Variants in NAPEPLD observed in about 807,000 individuals in gnomAD.
The protein encoded by NAPEPLD is N-acyl-phosphatidylethanolamine-hydrolyzing phospholipase D.
Under a neutral mutation model 38.1 loss-of-function variants are expected in NAPEPLD, and 23 were observed. The ratio of observed to expected loss-of-function variants is 0.60; its 90% CI spans 0.43 to 0.86. The LOEUF (loss-of-function observed/expected upper bound fraction) is 0.86, where lower values mean the gene tolerates loss of function less well. Ranked by LOEUF, NAPEPLD falls within the 40% of genes least tolerant of loss-of-function variation. The pLI is 0.00. For missense variants in NAPEPLD, 411 were observed against 476.8 expected, an observed-to-expected ratio of 0.86 and a Z score of 1.28; for synonymous variants, 147 against 162.0, an observed-to-expected ratio of 0.91 and a Z score of 0.71.
At chr7:103,125,912 AATAAT>A (rs1242517208) in intron 2 of NAPEPLD, among the ~76,000 whole-genome samples, 3 of 149,038 alleles carry the variant, frequency 2.0e-5, no homozygotes, top group South Asian at 2.1e-4. Flanking sequence ...TAATAATAAT[AATAAT>A]AATAAATAAA....
At chr7:103,147,375 T>C (rs1812778956) in intron 1 of NAPEPLD, among the ~76,000 whole-genome samples, 1 of 152,180 alleles carries the variant, frequency 6.6e-6, no homozygotes, top group African/African-American at 2.4e-5. Flanking sequence ...CATTTCAACC[T>C]AAAAAGCCCA....
chr7:103,116,072 T>TTTTTC (rs1805505316), intron 3 of NAPEPLD, among the ~76,000 whole-genome samples: 3 of 151,684 alleles, frequency 2.0e-5, no homozygotes, highest in African/African-American at 7.3e-5. Flanking sequence ...TTCTTTTTTT[T>TTTTTC]TTTTTCTGAG....
intron 2 of NAPEPLD, chr7:103,126,782 A>ATTTTT (rs61285914): frequency 5.1e-5 from 4 of 78,754 alleles, no homozygotes; most frequent in Admixed American, 1.6e-4. Context: ...AATTTTTTGT[A>ATTTTT]TTTTTTTTTT....
chr7:103,114,012 C>T (rs1483008462), intron 4 of NAPEPLD, among the ~76,000 whole-genome samples: 1 of 152,000 alleles, frequency 6.6e-6, no homozygotes, highest in Non-Finnish European at 1.5e-5. Flanking sequence ...GATTCTCCTG[C>T]CTCAGCCTCC....
chr7:103,147,983 C>T (rs1478041721), intron 1 of NAPEPLD: 47 of 981,752 alleles, frequency 4.8e-5, no homozygotes, highest in Non-Finnish European at 5.7e-5. Flanking sequence ...CTTTAACAGA[C>T]CCAGTATTTT....
At chr7:103,149,282 G>C (rs1813255470), upstream of NAPEPLD, 3 of 1,045,450 alleles carry the variant, frequency 2.9e-6, no homozygotes, top group Non-Finnish European at 3.5e-6. Context: ...GACTCACCTC[G>C]CGCTTGGGGT....
At chr7:103,110,216 T>A (rs1804235397) in intron 4 of NAPEPLD, among the ~76,000 whole-genome samples, 1 of 152,216 alleles carries the variant, frequency 6.6e-6, no homozygotes, top group African/African-American at 2.4e-5. Flanking sequence ...CTAACTCGTT[T>A]TATGAGGCCA....
At chr7:103,116,396 A>G (rs906373429) in intron 3 of NAPEPLD, among the ~76,000 whole-genome samples, 8 of 152,176 alleles carry the variant, frequency 5.3e-5, no homozygotes, top group Non-Finnish European at 5.9e-5. Flanking sequence ...AGACTGGGAA[A>G]TAAGTCCTGC....
At chr7:103,128,257 T>C in intron 2 of NAPEPLD, 1 of 511,094 alleles carries the variant, frequency 2.0e-6, no homozygotes, top group Non-Finnish European at 3.4e-6. Context: ...CGTTCTTTCC[T>C]GTACCTCTAA....
At chr7:103,114,274 C>T (rs909456334) in intron 4 of NAPEPLD, among the ~76,000 whole-genome samples, 7 of 152,162 alleles carry the variant, frequency 4.6e-5, no homozygotes, top group African/African-American at 1.7e-4. Context: ...CTATCCTCTG[C>T]TTGATCCCAG....
Position 103,120,027 on chromosome 7 carries a change from C to T in NAPEPLD, c.491G>A (p.Arg164Gln), listed in dbSNP as rs1227054803. 16 of 1,614,042 alleles carry T rather than the reference C, an allele frequency of 9.9e-6. No homozygotes were observed. The highest frequency in any genetic ancestry group is 4.4e-5 in the South Asian group (4 of 91,088). ...ASPSQYMGPK[R>Q]FRRSPCTISE... Reference sequence around the variant, plus strand: ...TATTGTGCACGGGGAACGACGAAATCGCTTTGGACCCATGTACTGCGATGG... The same window carrying T: ...TATTGTGCACGGGGAACGACGAAATTGCTTTGGACCCATGTACTGCGATGG... The change falls in exon 3 of 5, where the codon CGA (arginine) becomes CAA (glutamine). Residue 164 changes from arginine (R) to glutamine (Q), a missense_variant. Coordinates refer to ENST00000465647, the MANE Select transcript of NAPEPLD (RefSeq NM_001122838.3).
At position 103,100,358 on chromosome 7, in the gene NAPEPLD, GTCT is replaced by G. The variant is rs751266486; in HGVS notation, c.*3068_*3070del. 6.6e-6 allele frequency: 1 copy of G among 152,176 alleles called. No homozygotes were observed. Among genetic ancestry groups the G allele is most frequent in the African/African-American group, 2.4e-5 (1 of 41,426 alleles). The allele number at this position is 152,176 out of a possible 1,614,324, so 9.4% of individuals were successfully genotyped here. ...TAGCAGCAGTAGATTCTAAAACTGT[GTCT>G]TCTTGTCCTCTCATTAGTTTGAATA... is the stretch of plus-strand genomic sequence containing the variant. On this transcript the variant is annotated 3_prime_UTR_variant, in exon 5 of 5. Transcript: ENST00000465647.
Position 103,101,334 on chromosome 7 carries a change from A to C in NAPEPLD, c.*2095T>G, listed in dbSNP as rs1356771163. On this transcript the variant is annotated 3_prime_UTR_variant, in exon 5 of 5. Transcript: ENST00000465647. ...ATGTTCGCATACATCATATACACAC[A>C]CATTGCATACACATTTCCCCTTGAC... 6.6e-6 allele frequency: 1 copy of C among 152,156 alleles called. No individual in the cohort carries two copies. The highest frequency in any genetic ancestry group is 1.5e-5 in the Non-Finnish European group (1 of 68,024). 9.4% of individuals were successfully genotyped at this position (152,156 alleles called of 1,614,324 possible).
In NAPEPLD at chr7:103,128,579, C is replaced by T; in HGVS notation, c.198G>A (p.Val66=). ...KSKKGKDGRF[V]NPWPTWKNPS... ...GGTTTTTCCATGTTGGCCACGGATT[C>T]ACAAATCTCCCATCTTTTCCTTTCT... The change falls in exon 2 of 5, where the codon GTG becomes GTA. Residue 66 remains valine (V), a synonymous_variant. Transcript: ENST00000465647. The T allele has an allele frequency of 1.2e-6, 2 of 1,614,188 alleles. No homozygotes were observed. Among genetic ancestry groups the T allele is most frequent in the Non-Finnish European group, 1.7e-6 (2 of 1,180,024 alleles).
At chr7:103,143,075 A>AT (rs1554541100) in intron 1 of NAPEPLD, among the ~76,000 whole-genome samples, 1 of 149,198 alleles carries the variant, frequency 6.7e-6, no homozygotes, top group African/African-American at 2.5e-5. Flanking sequence ...AAAAAAACAA[A>AT]AAAACAAAAA....
At chr7:103,128,328 CT>C in intron 2 of NAPEPLD, 154 bp downstream of exon 2, 1 of 838,808 alleles carries the variant, frequency 1.2e-6, no homozygotes, top group South Asian at 1.8e-5. Context: ...TATATGTACT[CT>C]GCTACTGAAC....
chr7:103,142,064 G>C, intron 1 of NAPEPLD: 1 of 586,136 alleles, frequency 1.7e-6, no homozygotes, highest in Non-Finnish European at 3.0e-6. Flanking sequence ...AGTTCTGTGG[G>C]TGTTTCTGAT....
At chr7:103,140,437 G>T (rs1341182819) in intron 1 of NAPEPLD, among the ~76,000 whole-genome samples, 2 of 124,294 alleles carry the variant, frequency 1.6e-5, no homozygotes, top group African/African-American at 3.0e-5. Flanking sequence ...CAGTCGCCCA[G>T]GCTGGAGTGC....
intron 2 of NAPEPLD, among the ~76,000 whole-genome samples, chr7:103,120,701 CTTTTTTTT>C (rs869141133): frequency 3.0e-4 from 25 of 82,532 alleles, no homozygotes; most frequent in Admixed American, 8.5e-4. Flanking sequence ...TGATATTTTT[CTTTTTTTT>C]TTTTTTTTTT....
Sources: gnomAD v4.1 joint callset for allele counts (sites outside exome capture counted in the v4.1 genomes callset) on GRCh38, gnomAD v4.1.1 for gene constraint, MANE v1.5 for transcripts, NCBI Gene and HGNC (gene_info 2026-07-23, HGNC 2026-07-21) for gene names.